Variants in DMD observed in about 807,000 individuals in gnomAD.
The protein encoded by DMD is dystrophin, also known as mutant dystrophin.
A neutral mutation model predicts 330.1 loss-of-function variants in DMD; 63 were observed. The observed-to-expected ratio is 0.19, with a 90% CI of 0.16 to 0.24. The LOEUF (loss-of-function observed/expected upper bound fraction) is 0.24, where lower values mean the gene tolerates loss of function less well. DMD is among the 10% of genes least tolerant of loss of function. DMD has a pLI of 1.00. For synonymous variants in DMD, 1,223 were observed against 959.8 expected (o/e 1.27, Z -5.07); for missense variants, 3,344 against 2,684.1 (o/e 1.25, Z -5.43).
rs747027148 is a variant in DMD at position 32,081,475 on chromosome X, C to A, written c.6439-112961G>T. Among the ~76,000 whole-genome samples the A allele has an allele frequency of 4.4e-5, 5 of 112,391 alleles. No homozygotes were observed. In the South Asian group the frequency reaches 1.8e-3, roughly 41 times the overall value. On this transcript the variant is annotated intron_variant, in intron 44 of 78. Transcript: ENST00000357033. ...CTGCATTACAGCTCAACTTCTCTTT[C>A]TGTCCAATCCTGCTTCTAAGCCCTC...
intron 52 of DMD, among the ~76,000 whole-genome samples, chrX:31,713,081 A>G (rs2084765348): frequency 9.0e-6 from 1 of 111,461 alleles, no homozygotes; most frequent in Non-Finnish European, 1.9e-5. Context: ...ACAAGGGTTA[A>G]TGGGAGTGGA....
At chrX:32,361,651 A>G (rs2097835299) in intron 37 of DMD, among the ~76,000 whole-genome samples, 1 of 111,819 alleles carries the variant, frequency 8.9e-6, no homozygotes, top group Non-Finnish European at 1.9e-5. Flanking sequence ...AATATGTACT[A>G]TTATATAACA....
At chrX:33,064,681 GA>G (rs1395143156) in intron 1 of DMD, among the ~76,000 whole-genome samples, 1 of 111,216 alleles carries the variant, frequency 9.0e-6, no homozygotes, top group African/African-American at 3.3e-5. Context: ...CTGAAGTCAG[GA>G]GTTCAAGACC....
chrX:32,866,514 A>T (rs1403576713), intron 2 of DMD, among the ~76,000 whole-genome samples: 2 of 110,921 alleles, frequency 1.8e-5, no homozygotes, highest in South Asian at 3.8e-4. Flanking sequence ...GCTAGAAATT[A>T]TTTTACTGCT....
rs919077569 is a variant in DMD at position 33,273,779 on chromosome X, T to C, written c.7+65480A>G. Among the ~76,000 whole-genome samples the C allele has an allele frequency of 5.3e-5, 6 of 112,609 alleles. 1 individual carries two copies. In the Admixed American group the frequency reaches 5.6e-4, roughly 11 times the overall value. ...AACCTCAGTTATGCATAATGTGAAG[T>C]AATATGCATGGCCTGCCCTCTGTAA... On this transcript the variant is annotated intron_variant, in intron 1 of 17. Transcript: ENST00000288447.
chrX:32,959,282 G>A (rs1156460505), intron 2 of DMD, among the ~76,000 whole-genome samples: 3 of 111,102 alleles, frequency 2.7e-5, no homozygotes, highest in Non-Finnish European at 5.7e-5. Flanking sequence ...AAAGTACAAG[G>A]CACCTAATTT....
chrX:31,209,256 T>C (rs1437830381), intron 65 of DMD, among the ~76,000 whole-genome samples: 2 of 111,890 alleles, frequency 1.8e-5, no homozygotes, highest in African/African-American at 6.5e-5. Flanking sequence ...ATTCCACTAT[T>C]TGCAAAATGA....
At chrX:32,236,261 A>T (rs1428847672) in intron 43 of DMD, among the ~76,000 whole-genome samples, 4 of 112,046 alleles carry the variant, frequency 3.6e-5, no homozygotes, top group African/African-American at 1.3e-4. Context: ...GAGAACAATC[A>T]TGCTATCTTC....
At chrX:31,965,515 A>G (rs753007134) in intron 45 of DMD, among the ~76,000 whole-genome samples, 13 of 111,728 alleles carry the variant, frequency 1.2e-4, no homozygotes, top group African/African-American at 4.2e-4. Context: ...TTTTTTGCCT[A>G]CTTTCAAAAT....
intron 55 of DMD, among the ~76,000 whole-genome samples, chrX:31,565,532 T>C (rs753162446): frequency 7.1e-5 from 8 of 112,306 alleles, no homozygotes; most frequent in African/African-American, 2.3e-4. Flanking sequence ...CCGTAGTTTG[T>C]ACAACCATTC....
intron 7 of DMD, among the ~76,000 whole-genome samples, chrX:32,750,092 C>CA (rs2070614840): frequency 3.6e-5 from 4 of 112,197 alleles, no homozygotes; most frequent in African/African-American, 1.3e-4. Context: ...ATAGAAGACA[C>CA]TCATAAGTGT....
intron 51 of DMD, among the ~76,000 whole-genome samples, chrX:31,761,959 T>C (rs1256227975): frequency 8.9e-6 from 1 of 112,409 alleles, no homozygotes; most frequent in Non-Finnish European, 1.9e-5. Flanking sequence ...CAAATTCTGT[T>C]CAGACTAGCA....
At chrX:32,302,829 C>T (rs1171451137) in intron 42 of DMD, among the ~76,000 whole-genome samples, 2 of 110,944 alleles carry the variant, frequency 1.8e-5, no homozygotes, top group Non-Finnish European at 3.8e-5. Context: ...GTTGAGTAGG[C>T]AGGGGCAGTT....
chrX:32,672,281 T>TA (rs772298511), intron 9 of DMD, among the ~76,000 whole-genome samples: 5 of 110,030 alleles, frequency 4.5e-5, no homozygotes, highest in Non-Finnish European at 9.5e-5. Context: ...GTACAGAACA[T>TA]AAAAAAAATG....
chrX:32,465,575 G>GTT (rs1569563838), intron 23 of DMD, among the ~76,000 whole-genome samples: 6 of 27,833 alleles, frequency 2.2e-4, no homozygotes, highest in Non-Finnish European at 3.4e-4. Context: ...TTTTTTGTTT[G>GTT]TTTTTTGTTT....
At chrX:32,210,872 G>A (rs2097091244) in intron 44 of DMD, among the ~76,000 whole-genome samples, 1 of 111,710 alleles carries the variant, frequency 9.0e-6, no homozygotes, top group Non-Finnish European at 1.9e-5. Flanking sequence ...TTTCCATTAA[G>A]AGGAGGACGG....
chrX:33,084,710 G>A (rs1396822965), intron 1 of DMD, among the ~76,000 whole-genome samples: 1 of 111,599 alleles, frequency 9.0e-6, no homozygotes, highest in Non-Finnish European at 1.9e-5. Flanking sequence ...CCAGCTGCAT[G>A]ACTCCTAAAC....
intron 14 of DMD, 46 bp downstream of exon 14, chrX:32,573,699 A>C (rs1361340713): frequency 8.4e-7 from 1 of 1,191,891 alleles, no homozygotes; most frequent in African/African-American, 1.8e-5. Context: ...TTCCAATTTA[A>C]TATCCCCCCG....
intron 13 of DMD, among the ~76,000 whole-genome samples, chrX:32,593,957 T>C (rs960966818): frequency 1.7e-4 from 19 of 112,321 alleles, no homozygotes; most frequent in African/African-American, 6.1e-4. Flanking sequence ...AGAAAGAATC[T>C]AATTATCGGA....
Sources: allele counts gnomAD v4.1 joint callset (sites outside exome capture counted in the v4.1 genomes callset), GRCh38; gene constraint gnomAD v4.1.1; transcripts MANE v1.5; gene names NCBI Gene and HGNC (gene_info 2026-07-23, HGNC 2026-07-21).